Variants in CPSF3 observed in about 807,000 individuals in gnomAD.
The protein encoded by CPSF3 is cleavage and polyadenylation specific factor 3, also known as cleavage and polyadenylation specificity factor subunit 3.
A neutral mutation model predicts 84.1 loss-of-function variants in CPSF3; 57 were observed. The observed-to-expected ratio is 0.68, with a 90% CI of 0.55 to 0.85. CPSF3 has a LOEUF of 0.85. Ranked by LOEUF, CPSF3 falls within the 40% of genes least tolerant of loss-of-function variation. The pLI is 0.00. For synonymous variants in CPSF3, 275 were observed against 278.1 expected (o/e 0.99, Z 0.11); for missense variants, 522 against 838.8 (o/e 0.62, Z 4.66).
chr2:9,425,090 T>G (rs1173075568), intron 1 of CPSF3: 1 of 152,224 alleles, frequency 6.6e-6, no homozygotes, highest in Non-Finnish European at 1.5e-5. Flanking sequence ...CTGAAAAATG[T>G]GATGCCTGAG....
chr2:9,451,169 ATAATTT>A (rs1681317024), intron 11 of CPSF3, among the ~76,000 whole-genome samples: 1 of 152,218 alleles, frequency 6.6e-6, no homozygotes, highest in Non-Finnish European at 1.5e-5. Flanking sequence ...TTTCTCACCC[ATAATTT>A]TAATGATTTA....
intron 15 of CPSF3, among the ~76,000 whole-genome samples, chr2:9,466,553 A>T (rs1430650517): frequency 6.6e-6 from 1 of 152,196 alleles, no homozygotes; most frequent in Non-Finnish European, 1.5e-5. Flanking sequence ...CCGTGATCAT[A>T]CCACTACAGT....
At chr2:9,460,035 A>G (rs975191366) in intron 15 of CPSF3, among the ~76,000 whole-genome samples, 3 of 152,056 alleles carry the variant, frequency 2.0e-5, no homozygotes, top group African/African-American at 7.3e-5. Context: ...GATCATTTCT[A>G]TGTAATCTTT....
In CPSF3 at chr2:9,440,945, T is replaced by C. The variant is rs1251076877; in HGVS notation, c.936+279T>C. 3.3e-5 allele frequency among the ~76,000 whole-genome samples: 5 copies of C among 152,250 alleles called. No individual in the cohort carries two copies. The East Asian group carries it at 9.6e-4, about 29-fold the overall frequency. Reference sequence around the variant, plus strand: ...TTACCGCTTCTCAACAGGTGTCGTTTTTCTGCAGAAAATCAAAACTTCAGC... The same window carrying C: ...TTACCGCTTCTCAACAGGTGTCGTTCTTCTGCAGAAAATCAAAACTTCAGC... On this transcript the variant is annotated intron_variant, in intron 8 of 17. Coordinates refer to ENST00000238112, the MANE Select transcript of CPSF3 (RefSeq NM_016207.4).
At chr2:9,450,837 C>T (rs902285559) in intron 11 of CPSF3, among the ~76,000 whole-genome samples, 2 of 152,086 alleles carry the variant, frequency 1.3e-5, no homozygotes, top group African/African-American at 4.8e-5. Flanking sequence ...GCCAAACCTG[C>T]AGACGCTAAT....
At chr2:9,438,856 T>C (rs1188454598) in intron 7 of CPSF3, among the ~76,000 whole-genome samples, 1 of 152,234 alleles carries the variant, frequency 6.6e-6, no homozygotes, top group Non-Finnish European at 1.5e-5. Flanking sequence ...TTCTCCCTTG[T>C]AATGTAGTAT....
chr2:9,448,884 A>G (rs1681217761), intron 11 of CPSF3, among the ~76,000 whole-genome samples: 1 of 152,036 alleles, frequency 6.6e-6, no homozygotes, highest in African/African-American at 2.4e-5. Context: ...GCTGAATCTC[A>G]TAGCTCTTTA....
rs781100287 is a variant in CPSF3, at chr2:9,472,833, G to T, written c.1954-83G>T. Reference sequence around the variant, plus strand: ...CTGGCTAATTTTTTATGAGATGATGGTTTTTTTAAAGAGTATTCATTTATC... The same window carrying T: ...CTGGCTAATTTTTTATGAGATGATGTTTTTTTTAAAGAGTATTCATTTATC... On this transcript the variant is annotated intron_variant, in intron 17 of 17. Transcript: ENST00000238112. 3.4e-4 allele frequency: 335 copies of T among 987,856 alleles called. 1 individual carries two copies. The highest frequency in any genetic ancestry group is 4.5e-4 in the Non-Finnish European group (286 of 638,648). The allele number at this position is 987,856 out of a possible 1,614,324, so 61.2% of individuals were successfully genotyped here.
At chr2:9,431,540 C>CTTTTTTT (rs1198118780) in intron 4 of CPSF3, among the ~76,000 whole-genome samples, 2 of 84,146 alleles carry the variant, frequency 2.4e-5, no homozygotes, top group African/African-American at 1.1e-4. Flanking sequence ...TTTTTTTTTT[C>CTTTTTTT]TTTTTTTTTT....
intron 7 of CPSF3, among the ~76,000 whole-genome samples, chr2:9,438,500 C>CTTTTTT (rs60728053): frequency 7.7e-6 from 1 of 130,360 alleles, no homozygotes; most frequent in African/African-American, 2.9e-5. Context: ...AATATATATT[C>CTTTTTT]TTTTTTTTTT....
At chr2:9,467,978 C>T in intron 16 of CPSF3, 1 of 476,734 alleles carries the variant, frequency 2.1e-6, no homozygotes, top group South Asian at 3.9e-5. Context: ...CCTGCTAGGT[C>T]AGCCGTTTGT....
At position 9,462,050 on chromosome 2, in the gene CPSF3, G is replaced by C. The variant is rs113561894; in HGVS notation, c.1786+2432G>C. Among the ~76,000 whole-genome samples, 430 of 152,228 alleles carry C rather than the reference G, an allele frequency of 2.8e-3. 1 individual carries two copies. The highest frequency in any genetic ancestry group is 0.014 in the Middle Eastern group (4 of 294). On this transcript the variant is annotated intron_variant, in intron 15 of 17. Transcript: ENST00000238112. ...GCTGGGATTACAGGCTTCAGCCACCGTGCCGGGCCTAGGAGGATCTTTTAA... is the reference window on the plus strand; with the variant it reads ...GCTGGGATTACAGGCTTCAGCCACCCTGCCGGGCCTAGGAGGATCTTTTAA...
At chr2:9,452,286 G>T (rs1681358923) in intron 11 of CPSF3, among the ~76,000 whole-genome samples, 1 of 147,982 alleles carries the variant, frequency 6.8e-6, no homozygotes, top group Admixed American at 6.8e-5. Context: ...CTGAGATTGT[G>T]CCATTGCACT....
rs767773242 is a variant in CPSF3 at position 9,432,694 on chromosome 2, C to T, written c.519+6C>T. 1.3e-6 allele frequency: 2 copies of T among 1,495,980 alleles called. No homozygotes were observed. The highest frequency in any genetic ancestry group is 4.6e-5 in the East Asian group (2 of 43,462). 92.7% of individuals were successfully genotyped at this position (1,495,980 alleles called of 1,614,324 possible). On this transcript the variant is annotated splice_donor_region_variant and intron_variant, in intron 5 of 17. Coordinates refer to ENST00000238112, the MANE Select transcript of CPSF3 (RefSeq NM_016207.4). ...TTGAGATCGCAGGCGTGAAGGTACC[C>T]TCTGGCTGTGGCGCTTTTCTCCCCA...
At chr2:9,462,700 G>C (rs978117871) in intron 15 of CPSF3, among the ~76,000 whole-genome samples, 14 of 152,202 alleles carry the variant, frequency 9.2e-5, no homozygotes, top group Middle Eastern at 3.2e-3. Flanking sequence ...AAAATGAAAT[G>C]TACCTTTACT....
At chr2:9,443,713 C>G in intron 10 of CPSF3, 52 bp downstream of exon 10, 1 of 1,590,814 alleles carries the variant, frequency 6.3e-7, no homozygotes, top group Non-Finnish European at 8.6e-7. Context: ...AGTGCATACC[C>G]AGGAAACTGT....
intron 15 of CPSF3, among the ~76,000 whole-genome samples, chr2:9,462,506 G>A (rs1036889793): frequency 3.9e-5 from 6 of 152,164 alleles, no homozygotes; most frequent in African/African-American, 1.4e-4. Context: ...CAGAGATGTT[G>A]TCAGGATGTC....
chr2:9,465,368 C>T (rs564964869), intron 15 of CPSF3, among the ~76,000 whole-genome samples: 8 of 152,158 alleles, frequency 5.3e-5, no homozygotes, highest in Admixed American at 3.3e-4. Context: ...CACTTGAGCC[C>T]AGGAGTTCAA....
rs193105276 is a variant in CPSF3, at chr2:9,444,649, G to C, written c.1242+988G>C. On this transcript the variant is annotated intron_variant, in intron 10 of 17. Coordinates refer to ENST00000238112, the MANE Select transcript of CPSF3 (RefSeq NM_016207.4). Reference sequence around the variant, plus strand: ...TTTTGTTTGTTTGCTTGTTGTTTGGGGTGTTTTTTGGTTTGTTTGTTTGTT... The same window carrying C: ...TTTTGTTTGTTTGCTTGTTGTTTGGCGTGTTTTTTGGTTTGTTTGTTTGTT... Among the ~76,000 whole-genome samples the C allele has an allele frequency of 6.0e-3, 727 of 120,862 alleles. 4 individuals are homozygous for C. Among genetic ancestry groups the C allele is most frequent in the African/African-American group, 0.025 (703 of 27,908 alleles). The allele number at this position is 120,862 out of a possible 152,430, so 79.3% of individuals were successfully genotyped here.
Sources: gnomAD v4.1 joint callset for allele counts (sites outside exome capture counted in the v4.1 genomes callset) on GRCh38, gnomAD v4.1.1 for gene constraint, MANE v1.5 for transcripts, NCBI Gene and HGNC (gene_info 2026-07-23, HGNC 2026-07-21) for gene names.